RAD54B: variants seen among roughly 807,000 people sequenced by gnomAD.
The protein encoded by RAD54B is RAD54 homolog B, also known as DNA repair and recombination protein RAD54B.
RAD54B carries 78 observed loss-of-function variants against 95.8 expected under a neutral mutation model. The ratio of observed to expected loss-of-function variants is 0.81; its 90% CI spans 0.68 to 0.98. RAD54B has a LOEUF of 0.98. RAD54B is among the 50% of genes least tolerant of loss of function. The pLI, the probability that RAD54B is intolerant of heterozygous loss-of-function variation, is 0.00. For synonymous variants in RAD54B, 328 were observed against 354.9 expected (o/e 0.92, Z 0.85); for missense variants, 957 against 1,056.6 (o/e 0.91, Z 1.31).
chr8:94,448,649 A>C (rs1349916610), intron 3 of RAD54B, among the ~76,000 whole-genome samples: 7 of 152,000 alleles, frequency 4.6e-5, no homozygotes, highest in Non-Finnish European at 7.4e-5. Flanking sequence ...AGCCAGACAC[A>C]GAAAGAAAAA....
chr8:94,459,636 G>T (rs1330266187), intron 2 of RAD54B, among the ~76,000 whole-genome samples: 1 of 150,764 alleles, frequency 6.6e-6, no homozygotes, highest in African/African-American at 2.4e-5. Context: ...AAGGCAGGTG[G>T]ATCACTTGAG....
intron 3 of RAD54B, among the ~76,000 whole-genome samples, chr8:94,416,895 G>T (rs753626765): frequency 7.2e-5 from 11 of 152,070 alleles, no homozygotes; most frequent in Non-Finnish European, 1.0e-4. Context: ...ATGCCCAAAA[G>T]AATAATAACA....
Position 94,393,742 on chromosome 8 carries a change from C to T in RAD54B, c.1518+1G>A. The T allele has an allele frequency of 6.4e-7, 1 of 1,568,870 alleles. No homozygotes were observed. The highest frequency in any genetic ancestry group is 8.7e-7 in the Non-Finnish European group (1 of 1,144,152). ...AACCTATTTATTAGAGTAAATTATA[C>T]CTCAGAAGCAGAAGGTTCTCTCGAT... On this transcript the variant is annotated splice_donor_variant, in intron 9 of 14. Coordinates refer to ENST00000336148, the MANE Select transcript of RAD54B (RefSeq NM_012415.3). LOFTEE classifies it high-confidence loss of function.
chr8:94,429,880 T>C, intron 3 of RAD54B: 1 of 985,444 alleles, frequency 1.0e-6, no homozygotes, highest in Non-Finnish European at 1.2e-6. Flanking sequence ...TAGCCATAAC[T>C]TAAATTTCTG....
At chr8:94,406,003 T>TACACACACACACAC (rs10640285) in intron 5 of RAD54B, among the ~76,000 whole-genome samples, 91 of 148,064 alleles carry the variant, frequency 6.1e-4, no homozygotes, top group East Asian at 2.2e-3. Context: ...GAAGTGCTTT[T>TACACACACACACAC]ACACACACAC....
chr8:94,447,957 A>C (rs1050261353), intron 3 of RAD54B, among the ~76,000 whole-genome samples: 3 of 152,210 alleles, frequency 2.0e-5, no homozygotes, highest in African/African-American at 7.2e-5. Context: ...AAAAACCTTC[A>C]GTTATATAAG....
Position 94,400,343 on chromosome 8 carries a change from T to C in RAD54B, c.1065A>G (p.Ile355Met). The C allele has an allele frequency of 6.2e-7, 1 of 1,613,916 alleles. No individual in the cohort carries two copies. Among genetic ancestry groups the C allele is most frequent in the Non-Finnish European group, 8.5e-7 (1 of 1,179,914 alleles). The stretch of plus-strand genomic sequence containing the variant: ...CAGGTGTGACAATTAGTGTCTTCTT[T>C]ATTACTGGCTTGCCTCCATAGGGTC... ...CQGPYGGKPVIKKTLIVTPGS... is the reference protein window; with the variant it reads ...CQGPYGGKPVMKKTLIVTPGS... The change falls in exon 7 of 15, where the codon ATA (isoleucine) becomes ATG (methionine). Residue 355 changes from isoleucine to methionine, a missense_variant. Transcript: ENST00000336148.
intron 3 of RAD54B, among the ~76,000 whole-genome samples, chr8:94,444,145 C>G (rs1224219447): frequency 6.6e-6 from 1 of 152,036 alleles, no homozygotes; most frequent in Non-Finnish European, 1.5e-5. Flanking sequence ...CTCAACTTCA[C>G]AAGTAAACAG....
In RAD54B at chr8:94,433,442, G is replaced by GA. The variant is rs920400613; in HGVS notation, c.305-22128dup. 1.5e-4 allele frequency among the ~76,000 whole-genome samples: 22 copies of GA among 151,142 alleles called. No individual in the cohort carries two copies. In the South Asian group the frequency reaches 3.8e-3, roughly 26 times the overall value. On this transcript the variant is annotated intron_variant, in intron 3 of 14. Transcript: ENST00000336148. ...GGTGCTCATTATGTGTTGAATGACT[G>GA]AAAAAAAACAAACTAAATGATTTTT... is the stretch of plus-strand genomic sequence containing the variant.
At chr8:94,403,638 T>C (rs143553306) in intron 6 of RAD54B, among the ~76,000 whole-genome samples, 3 of 151,778 alleles carry the variant, frequency 2.0e-5, no homozygotes, top group Non-Finnish European at 2.9e-5. Context: ...GATAACGCCA[T>C]TGCACTCCAG....
At chr8:94,449,609 CAA>C (rs369471365) in intron 3 of RAD54B, among the ~76,000 whole-genome samples, 31 of 66,534 alleles carry the variant, frequency 4.7e-4, no homozygotes, top group Admixed American at 5.0e-4. Flanking sequence ...ACTCTGTCTC[CAA>C]AAAAAAAAAA....
chr8:94,396,895 T>C (rs895806410), intron 8 of RAD54B, among the ~76,000 whole-genome samples: 2 of 152,086 alleles, frequency 1.3e-5, no homozygotes, highest in South Asian at 4.2e-4. Context: ...ACGAATACAT[T>C]TGCAGAGAGG....
chr8:94,444,873 A>T lies in RAD54B; in HGVS notation c.304+13395T>A, dbSNP rs186314103. Among the ~76,000 whole-genome samples the T allele has an allele frequency of 1.8e-4, 27 of 152,270 alleles. 1 individual carries two copies. The East Asian group carries it at 4.8e-3, about 27-fold the overall frequency. On this transcript the variant is annotated intron_variant, in intron 3 of 14. Coordinates refer to ENST00000336148, the MANE Select transcript of RAD54B (RefSeq NM_012415.3). ...GCAGTGTCTTTCTCAAGAACCAGAA[A>T]GCCACTCCTTTGAAATGTAATCATC...
At chr8:94,449,625 A>C (rs967945741) in intron 3 of RAD54B, among the ~76,000 whole-genome samples, 2 of 151,782 alleles carry the variant, frequency 1.3e-5, no homozygotes, top group Admixed American at 6.6e-5. Flanking sequence ...AAAAAAAAAA[A>C]AGAAGGAAAT....
chr8:94,450,616 C>T (rs1812633253), intron 3 of RAD54B, among the ~76,000 whole-genome samples: 1 of 152,186 alleles, frequency 6.6e-6, no homozygotes, highest in Non-Finnish European at 1.5e-5. Flanking sequence ...CAGCCAGGCT[C>T]GTGCCTGTAA....
intron 6 of RAD54B, among the ~76,000 whole-genome samples, chr8:94,403,240 G>A (rs1811302727): frequency 6.6e-6 from 1 of 152,026 alleles, no homozygotes; most frequent in African/African-American, 2.4e-5. Flanking sequence ...TGTTAGCAGG[G>A]GCCTTTGATT....
rs1433619428 is a variant in RAD54B, at chr8:94,372,383, A to G, written c.2520T>C (p.Asp840=). The G allele has an allele frequency of 6.2e-7, 1 of 1,612,440 alleles. No individual in the cohort carries two copies. The highest frequency in any genetic ancestry group is 8.5e-7 in the Non-Finnish European group (1 of 1,179,712). ...ECTGEEVHTG[D]SLEKFIVSRD... ...TAGAGACAATGAATTTTTCCAACGAATCACCTGTAATAAGTAAAACAATGA... is the reference window on the plus strand; with the variant it reads ...TAGAGACAATGAATTTTTCCAACGAGTCACCTGTAATAAGTAAAACAATGA... The change falls in exon 15 of 15, where the codon GAT becomes GAC. Residue 840 remains aspartate, a synonymous_variant. Transcript: ENST00000336148.
intron 3 of RAD54B, among the ~76,000 whole-genome samples, chr8:94,411,724 C>T (rs1437085728): frequency 6.6e-6 from 1 of 151,168 alleles, no homozygotes; most frequent in Non-Finnish European, 1.5e-5. Flanking sequence ...TTACAGAGTT[C>T]TCTGAAAGTA....
chr8:94,431,271 A>C (rs1232553897), intron 3 of RAD54B: 1 of 970,080 alleles, frequency 1.0e-6, no homozygotes. Flanking sequence ...GGACATTCAA[A>C]ATGAATTAAG....
Sources: gnomAD v4.1 joint callset for allele counts (sites outside exome capture counted in the v4.1 genomes callset) on GRCh38, gnomAD v4.1.1 for gene constraint, MANE v1.5 for transcripts, NCBI Gene and HGNC (gene_info 2026-07-23, HGNC 2026-07-21) for gene names.